BNC2: variants seen among roughly 807,000 people sequenced by gnomAD.
BNC2 encodes basonuclin zinc finger protein 2, also known as zinc finger protein basonuclin-2.
In BNC2, 20 loss-of-function variants were observed where a neutral mutation model predicts 76.3. The ratio of observed to expected loss-of-function variants is 0.26; its 90% CI spans 0.18 to 0.38. The LOEUF is 0.38. Ranked by LOEUF, BNC2 falls within the 10% of genes least tolerant of loss-of-function variation. The probability of loss-of-function intolerance (pLI) is 1.00; values close to 1 mark genes in which losing one functional copy is unlikely to be tolerated. For missense variants in BNC2, 1,382 were observed against 1,399.8 expected (o/e 0.99, Z 0.20); for synonymous variants, 582 against 514.8 (o/e 1.13, Z -1.77).
intron 3 of BNC2, among the ~76,000 whole-genome samples, chr9:16,686,329 G>A (rs4961733): frequency 0.6 from 90,971 of 151,490 alleles, 31,039 homozygotes; most frequent in Non-Finnish European, 0.79. Flanking sequence ...TTAAAACTAA[G>A]CTATTATAAT....
intron 1 of BNC2, among the ~76,000 whole-genome samples, chr9:16,762,828 T>G (rs1216125622): frequency 6.6e-6 from 1 of 152,196 alleles, no homozygotes; most frequent in African/African-American, 2.4e-5. Context: ...AAAATAACAG[T>G]AATGATAACA....
intron 1 of BNC2, among the ~76,000 whole-genome samples, chr9:16,791,830 C>T (rs1586887338): frequency 2.0e-5 from 3 of 152,222 alleles, no homozygotes; most frequent in African/African-American, 4.8e-5. Context: ...AGGCCAGGCA[C>T]GGCGGCTCAC....
In BNC2 at chr9:16,712,034, C is replaced by T. The variant is rs1823866686; in HGVS notation, c.330+15763G>A. ...AATAATTAGTGAAAGTCACAAATAC[C>T]TTAGCACTTTGGATCATTACTCAGT... On this transcript the variant is annotated intron_variant, in intron 3 of 6. Transcript: ENST00000380672. 2.6e-5 allele frequency among the ~76,000 whole-genome samples: 4 copies of T among 152,094 alleles called. No homozygotes were observed. The South Asian group carries it at 8.3e-4, about 32-fold the overall frequency.
intron 5 of BNC2, among the ~76,000 whole-genome samples, chr9:16,522,097 A>G (rs1274768642): frequency 6.6e-6 from 1 of 152,160 alleles, no homozygotes; most frequent in East Asian, 1.9e-4. Context: ...AGGTATTTTA[A>G]TAAAGAGCTC....
intron 1 of BNC2, among the ~76,000 whole-genome samples, chr9:16,744,308 G>A (rs1178506702): frequency 1.3e-5 from 2 of 152,044 alleles, no homozygotes; most frequent in Admixed American, 1.3e-4. Flanking sequence ...TTTTATGCTG[G>A]TATGAAAAAG....
At chr9:16,542,530 C>T (rs920905494) in intron 5 of BNC2, among the ~76,000 whole-genome samples, 1 of 152,178 alleles carries the variant, frequency 6.6e-6, no homozygotes, top group African/African-American at 2.4e-5. Flanking sequence ...GCATCACTAG[C>T]TAGTTAGCCA....
rs201681215 is a variant in BNC2 at position 16,807,884 on chromosome 9, CA to C, written c.3+62761del. On this transcript the variant is annotated intron_variant, in intron 1 of 6. Coordinates refer to ENST00000380672, the MANE Select transcript of BNC2 (RefSeq NM_017637.6). ...TCCTAACAGATAAACTCATAATATC[CA>C]AAAATAGAATTTTATAAATATACTT... is the stretch of plus-strand genomic sequence containing the variant. 5.4e-3 allele frequency among the ~76,000 whole-genome samples: 813 copies of C among 151,906 alleles called. 14 individuals are homozygous for C. Among genetic ancestry groups the C allele is most frequent in the African/African-American group, 0.019 (779 of 41,428 alleles).
At chr9:16,445,862 T>C (rs1323119000) in intron 5 of BNC2, among the ~76,000 whole-genome samples, 1 of 152,220 alleles carries the variant, frequency 6.6e-6, no homozygotes, top group Non-Finnish European at 1.5e-5. Flanking sequence ...CAGCTAATGC[T>C]ACATTCAGTT....
intron 6 of BNC2, chr9:16,431,594 G>C (rs1411020013): frequency 3.3e-6 from 1 of 306,186 alleles, no homozygotes; most frequent in East Asian, 8.9e-5. Flanking sequence ...CAAGAAGGAG[G>C]AAAGGGTCTT....
chr9:16,685,657 G>C (rs1822955762), intron 3 of BNC2: 5 of 1,287,354 alleles, frequency 3.9e-6, no homozygotes, highest in Admixed American at 2.3e-5. Context: ...GTTAGATGCT[G>C]TGTATGGAGG....
intron 1 of BNC2, among the ~76,000 whole-genome samples, chr9:16,758,815 G>A (rs1204633070): frequency 6.6e-6 from 1 of 152,052 alleles, no homozygotes; most frequent in African/African-American, 2.4e-5. Flanking sequence ...ATAAGGCTAA[G>A]GCACAATATA....
chr9:16,508,046 A>T (rs1329753716), intron 5 of BNC2, among the ~76,000 whole-genome samples: 1 of 152,226 alleles, frequency 6.6e-6, no homozygotes, highest in Non-Finnish European at 1.5e-5. Context: ...TAAGAAGATA[A>T]GCAAGAAATA....
intron 4 of BNC2, among the ~76,000 whole-genome samples, chr9:16,553,564 C>G (rs1818729912): frequency 6.6e-6 from 1 of 152,154 alleles, no homozygotes; most frequent in Non-Finnish European, 1.5e-5. Context: ...AAACAAATGA[C>G]AAACCAACAT....
intron 3 of BNC2, among the ~76,000 whole-genome samples, chr9:16,706,248 TGTC>T (rs1426832012): frequency 6.6e-6 from 1 of 152,226 alleles, no homozygotes; most frequent in Non-Finnish European, 1.5e-5. Context: ...TCTTCCAGAT[TGTC>T]TTTTTCTGAT....
chr9:16,514,047 C>T (rs998759344), intron 5 of BNC2, among the ~76,000 whole-genome samples: 1 of 152,160 alleles, frequency 6.6e-6, no homozygotes, highest in Non-Finnish European at 1.5e-5. Context: ...TGGCTATCTC[C>T]TGCAACTTTC....
intron 1 of BNC2, among the ~76,000 whole-genome samples, chr9:16,818,449 G>C (rs139314465): frequency 2.0e-3 from 298 of 152,288 alleles, no homozygotes; most frequent in Admixed American, 3.8e-3. Flanking sequence ...GAGAGAACCG[G>C]TTTGGAAGTT....
chr9:16,728,223 G>A (rs1824407771), intron 2 of BNC2: 1 of 607,492 alleles, frequency 1.6e-6, no homozygotes, highest in Non-Finnish European at 3.0e-6. Flanking sequence ...CTGCCTGTCA[G>A]GTGTGCAGGC....
At chr9:16,716,502 T>G (rs1489912063) in intron 3 of BNC2, among the ~76,000 whole-genome samples, 1 of 152,178 alleles carries the variant, frequency 6.6e-6, no homozygotes, top group African/African-American at 2.4e-5. Flanking sequence ...CTTTTACATT[T>G]CATTATTCCC....
chr9:16,786,301 T>C (rs113401099), intron 1 of BNC2, among the ~76,000 whole-genome samples: 38 of 152,184 alleles, frequency 2.5e-4, no homozygotes, highest in African/African-American at 8.4e-4. Flanking sequence ...TTATAGAAAA[T>C]GTGGAGAAAG....
Sources: gnomAD v4.1 joint callset for allele counts (sites outside exome capture counted in the v4.1 genomes callset) on GRCh38, gnomAD v4.1.1 for gene constraint, MANE v1.5 for transcripts, NCBI Gene and HGNC (gene_info 2026-07-23, HGNC 2026-07-21) for gene names.